BIN3: variants seen among roughly 807,000 people sequenced by gnomAD.
BIN3 encodes bridging integrator 3.
BIN3 carries 41 observed loss-of-function variants against 38.2 expected under a neutral mutation model. The observed-to-expected ratio is 1.07, with a 90% CI of 0.84 to 1.39. The LOEUF is 1.39. Among genes scored for constraint, BIN3 ranks in the 40% most tolerant of loss-of-function variants. BIN3 has a pLI of 0.00. For synonymous variants in BIN3, 145 were observed against 122.6 expected, an observed-to-expected ratio of 1.18 and a Z score of -1.21; for missense variants, 361 against 324.3, an observed-to-expected ratio of 1.11 and a Z score of -0.87.
chr8:22,623,423 C>T (rs1361432904), intron 8 of BIN3, among the ~76,000 whole-genome samples: 1 of 152,194 alleles, frequency 6.6e-6, no homozygotes, highest in East Asian at 1.9e-4. Context: ...TTGTGGCTCT[C>T]CCCAGGGCTC....
At position 22,651,045 on chromosome 8, in the gene BIN3, C is replaced by T. The variant is rs1446462473; in HGVS notation, c.9-6242G>A. ...TAGCCGATGTACTGAGTCACAAACT[C>T]GTAAGAGTTTCCAAGTCAAAGCTCC... is the stretch of plus-strand genomic sequence containing the variant. On this transcript the variant is annotated intron_variant, in intron 1 of 8. Transcript: ENST00000276416. Among the ~76,000 whole-genome samples the T allele has an allele frequency of 2.6e-5, 4 of 152,238 alleles. No homozygotes were observed. The East Asian group carries it at 5.8e-4, about 22-fold the overall frequency.
rs565085209 is a variant in BIN3 at position 22,639,322 on chromosome 8, T to C, written c.58-2360A>G. On this transcript the variant is annotated intron_variant, in intron 2 of 8. Transcript: ENST00000276416. ...TCATGGCTCACTGCAGCCTTGACCT[T>C]CTAGGCTCAAGCAATACTTCTGTCT... 2.6e-5 allele frequency among the ~76,000 whole-genome samples: 4 copies of C among 152,174 alleles called. No homozygotes were observed. In the South Asian group the frequency reaches 8.3e-4, roughly 32 times the overall value.
chr8:22,630,591 A>G lies in BIN3; in HGVS notation c.161-13T>C. On this transcript the variant is annotated splice_polypyrimidine_tract_variant and intron_variant, in intron 4 of 8. Coordinates refer to ENST00000276416, the MANE Select transcript of BIN3 (RefSeq NM_018688.6). ...GATTTTGACATGGCTGTGGGAAGCC[A>G]AAGCTCGGTGAACCTTCTATGAAGG... 3.1e-6 allele frequency: 5 copies of G among 1,613,720 alleles called. No homozygotes were observed. Among genetic ancestry groups the G allele is most frequent in the Non-Finnish European group, 4.2e-6 (5 of 1,179,714 alleles).
chr8:22,658,188 G>T (rs1803120939), intron 1 of BIN3, among the ~76,000 whole-genome samples: 1 of 152,182 alleles, frequency 6.6e-6, no homozygotes, highest in African/African-American at 2.4e-5. Context: ...CAGGAGAAGA[G>T]ATATTTTAGT....
At chr8:22,645,934 A>G (rs1159781232) in intron 1 of BIN3, among the ~76,000 whole-genome samples, 1 of 152,200 alleles carries the variant, frequency 6.6e-6, no homozygotes, top group East Asian at 1.9e-4. Flanking sequence ...TCTGCCTTGG[A>G]CTTGCTATGA....
chr8:22,650,119 C>T (rs10217040), intron 1 of BIN3, among the ~76,000 whole-genome samples: 16,048 of 152,056 alleles, frequency 0.11, 1,845 homozygotes, highest in African/African-American at 0.28. Context: ...TCATTGCAAC[C>T]GTTTCAAATT....
At chr8:22,631,499 G>C (rs2117520160) in intron 4 of BIN3, among the ~76,000 whole-genome samples, 1 of 152,360 alleles carries the variant, frequency 6.6e-6, no homozygotes, top group African/African-American at 2.4e-5. Flanking sequence ...CGGAAATGTA[G>C]TTTGGTTCCA....
At chr8:22,652,520 T>C (rs1327238367) in intron 1 of BIN3, among the ~76,000 whole-genome samples, 1 of 152,178 alleles carries the variant, frequency 6.6e-6, no homozygotes, top group African/African-American at 2.4e-5. Flanking sequence ...TGCGCATGTG[T>C]GGTGGGGAGG....
intron 6 of BIN3, 129 bp from the exon 7 acceptor site, chr8:22,624,492 T>C: frequency 2.3e-6 from 3 of 1,276,812 alleles, no homozygotes; most frequent in Non-Finnish European, 3.2e-6. Flanking sequence ...TGGCCAGCAC[T>C]CACTTGTCCA....
intron 1 of BIN3, among the ~76,000 whole-genome samples, chr8:22,664,254 G>A (rs1031490001): frequency 1.3e-5 from 2 of 152,206 alleles, no homozygotes; most frequent in Non-Finnish European, 2.9e-5. Flanking sequence ...CAAGACACTT[G>A]ACTCTTTCTG....
Position 22,648,355 on chromosome 8 carries a change from C to T in BIN3, c.9-3552G>A, listed in dbSNP as rs1449489554. 4.6e-5 allele frequency among the ~76,000 whole-genome samples: 7 copies of T among 152,220 alleles called. No individual in the cohort carries two copies. The East Asian group carries it at 7.7e-4, about 17-fold the overall frequency. ...TTCCAGCATCCCACCCAGGTCCCCA[C>T]GTCACCTTCAGTCACTATGTGCCCC... On this transcript the variant is annotated intron_variant, in intron 1 of 8. Coordinates refer to ENST00000276416, the MANE Select transcript of BIN3 (RefSeq NM_018688.6).
intron 6 of BIN3, chr8:22,625,071 C>T (rs1801962127): frequency 7.0e-6 from 3 of 431,194 alleles, no homozygotes; most frequent in African/African-American, 5.9e-5. Flanking sequence ...TTCCAACCAG[C>T]TGCTTCAGGA....
chr8:22,625,253 C>CGCT (rs1218129481), intron 6 of BIN3: 7 of 697,198 alleles, frequency 1.0e-5, no homozygotes, highest in East Asian at 8.1e-5. Flanking sequence ...CTGAGGCTCT[C>CGCT]GCTGCTGCTG....
At chr8:22,658,573 G>A (rs958202755) in intron 1 of BIN3, among the ~76,000 whole-genome samples, 2 of 152,182 alleles carry the variant, frequency 1.3e-5, no homozygotes, top group Non-Finnish European at 2.9e-5. Context: ...AGAGATAAAA[G>A]GCAGGCCCAG....
intron 1 of BIN3, among the ~76,000 whole-genome samples, chr8:22,662,957 C>T (rs1020001417): frequency 1.3e-5 from 2 of 152,026 alleles, no homozygotes; most frequent in African/African-American, 4.8e-5. Flanking sequence ...GCTAACATAG[C>T]GAAACTCAGT....
At chr8:22,659,825 T>C (rs1803175135) in intron 1 of BIN3, among the ~76,000 whole-genome samples, 1 of 152,218 alleles carries the variant, frequency 6.6e-6, no homozygotes, top group Non-Finnish European at 1.5e-5. Flanking sequence ...AGGGTCGCTA[T>C]GAAGGTTAAA....
intron 1 of BIN3, among the ~76,000 whole-genome samples, chr8:22,659,881 G>GT (rs1049151521): frequency 2.6e-5 from 4 of 152,132 alleles, no homozygotes; most frequent in African/African-American, 9.7e-5. Context: ...TAAGCAGTCT[G>GT]TTTTTTTGCG....
Position 22,630,469 on chromosome 8 carries a change from C to T in BIN3, c.270G>A (p.Lys90=). The change falls in exon 5 of 9, where the codon AAG becomes AAA. Residue 90 remains lysine, a synonymous_variant. Transcript: ENST00000276416. ...TTTCCTGATTGAAGGCATCCATCCGCTTCATGGCCGTGTCCAGGGCCGTCA... is the reference window on the plus strand; with the variant it reads ...TTTCCTGATTGAAGGCATCCATCCGTTTCATGGCCGTGTCCAGGGCCGTCA... ...NMVTALDTAM[K]RMDAFNQEKV... 1 of 1,614,062 alleles carries T rather than the reference C, an allele frequency of 6.2e-7. No individual in the cohort carries two copies. The highest frequency in any genetic ancestry group is 1.1e-5 in the South Asian group (1 of 91,082).
At chr8:22,668,905 G>A (rs1387524589) in intron 1 of BIN3, 139 bp downstream of exon 1, 3 of 1,122,520 alleles carry the variant, frequency 2.7e-6, no homozygotes, top group Non-Finnish European at 3.8e-6. Context: ...AACGACCCTA[G>A]GGCAGGGGCT....
Sources: allele counts gnomAD v4.1 joint callset (sites outside exome capture counted in the v4.1 genomes callset), GRCh38; gene constraint gnomAD v4.1.1; transcripts MANE v1.5; gene names NCBI Gene and HGNC (gene_info 2026-07-23, HGNC 2026-07-21).